PACS1: variants seen among roughly 807,000 people sequenced by gnomAD.
PACS1 encodes phosphofurin acidic cluster sorting protein 1, also known as PACS-1.
A neutral mutation model predicts 115.0 loss-of-function variants in PACS1; 24 were observed. The ratio of observed to expected loss-of-function variants is 0.21; its 90% CI spans 0.15 to 0.29. PACS1 has a LOEUF of 0.29. Ranked by LOEUF, PACS1 falls within the 10% of genes least tolerant of loss-of-function variation. The pLI, the probability that PACS1 is intolerant of heterozygous loss-of-function variation, is 1.00. For synonymous variants in PACS1, 453 were observed against 504.5 expected, an observed-to-expected ratio of 0.90 and a Z score of 1.37; for missense variants, 838 against 1,251.2, an observed-to-expected ratio of 0.67 and a Z score of 4.98.
intron 2 of PACS1, among the ~76,000 whole-genome samples, chr11:66,200,294 T>C (rs1427612778): frequency 6.6e-6 from 1 of 152,132 alleles, no homozygotes; most frequent in African/African-American, 2.4e-5. Flanking sequence ...AAGGCTAAAG[T>C]GAGCTATGAT....
At chr11:66,190,975 T>G (rs1854506893) in intron 1 of PACS1, among the ~76,000 whole-genome samples, 1 of 152,232 alleles carries the variant, frequency 6.6e-6, no homozygotes, top group Non-Finnish European at 1.5e-5. Flanking sequence ...CACTTCCTAC[T>G]GCTGCTGTGA....
At chr11:66,140,492 C>T (rs1409833092) in intron 1 of PACS1, among the ~76,000 whole-genome samples, 28 of 152,242 alleles carry the variant, frequency 1.8e-4, no homozygotes, top group Admixed American at 1.8e-3. Context: ...TGTACTCTGC[C>T]GTCACGGTGC....
chr11:66,162,768 A>G (rs555943365), intron 1 of PACS1, among the ~76,000 whole-genome samples: 1 of 152,392 alleles, frequency 6.6e-6, no homozygotes, highest in East Asian at 1.9e-4. Context: ...TTATGTACAT[A>G]TGCAAAAATA....
intron 1 of PACS1, among the ~76,000 whole-genome samples, chr11:66,150,855 A>G (rs1859218266): frequency 6.6e-6 from 1 of 152,188 alleles, no homozygotes; most frequent in Non-Finnish European, 1.5e-5. Flanking sequence ...CTCCTGAAAC[A>G]CTATAATAGA....
At chr11:66,241,683 T>C (rs772422430) in intron 22 of PACS1, 30 bp downstream of exon 22, 2 of 1,564,758 alleles carry the variant, frequency 1.3e-6, no homozygotes, top group Non-Finnish European at 1.8e-6. Context: ...GGGAAGACCA[T>C]GGGCCACCAG....
chr11:66,071,181 A>T (rs1380209189), intron 1 of PACS1, among the ~76,000 whole-genome samples: 1 of 152,092 alleles, frequency 6.6e-6, no homozygotes, highest in African/African-American at 2.4e-5. Flanking sequence ...CGGCGCCGGG[A>T]GCTGTACATA....
chr11:66,122,956 G>A (rs1590759740), intron 1 of PACS1, among the ~76,000 whole-genome samples: 1 of 152,274 alleles, frequency 6.6e-6, no homozygotes, highest in African/African-American at 2.4e-5. Flanking sequence ...CCAATTTTGC[G>A]AGAAATTCTG....
At chr11:66,090,364 C>G (rs1173577246) in intron 1 of PACS1, among the ~76,000 whole-genome samples, 5 of 151,032 alleles carry the variant, frequency 3.3e-5, no homozygotes, top group Non-Finnish European at 7.4e-5. Context: ...CCTGAACCTC[C>G]CAGGCCCGAG....
At chr11:66,128,253 A>G (rs1163887800) in intron 1 of PACS1, among the ~76,000 whole-genome samples, 1 of 152,226 alleles carries the variant, frequency 6.6e-6, no homozygotes, top group Non-Finnish European at 1.5e-5. Context: ...TTATAAAACA[A>G]ACCAAAAAAG....
chr11:66,194,957 G>A (rs1447926734), intron 2 of PACS1, among the ~76,000 whole-genome samples: 1 of 152,186 alleles, frequency 6.6e-6, no homozygotes, highest in East Asian at 1.9e-4. Flanking sequence ...GGGCACTGTG[G>A]CTCACACCTG....
At chr11:66,120,411 A>G (rs1475701629) in intron 1 of PACS1, among the ~76,000 whole-genome samples, 2 of 152,152 alleles carry the variant, frequency 1.3e-5, no homozygotes, top group Non-Finnish European at 2.9e-5. Flanking sequence ...TACTAATTAT[A>G]TACTTCATTT....
At chr11:66,116,652 G>C (rs1858312564) in intron 1 of PACS1, among the ~76,000 whole-genome samples, 2 of 152,240 alleles carry the variant, frequency 1.3e-5, no homozygotes, top group South Asian at 4.1e-4. Flanking sequence ...CAGCACTTTG[G>C]CTGAGGCAGG....
chr11:66,185,609 A>G (rs972346983), intron 1 of PACS1, among the ~76,000 whole-genome samples: 1 of 152,200 alleles, frequency 6.6e-6, no homozygotes, highest in African/African-American at 2.4e-5. Context: ...CCATATCCCC[A>G]TGCCGGACCA....
intron 1 of PACS1, among the ~76,000 whole-genome samples, chr11:66,140,415 T>C (rs80295673): frequency 0.026 from 4,027 of 152,286 alleles, 66 homozygotes; most frequent in Non-Finnish European, 0.043. Flanking sequence ...GTGACCTGCC[T>C]TGCTCACAAA....
At chr11:66,201,804 C>T (rs933216512) in intron 2 of PACS1, among the ~76,000 whole-genome samples, 31 of 151,722 alleles carry the variant, frequency 2.0e-4, no homozygotes, top group South Asian at 2.1e-4. Flanking sequence ...GGATTACAGG[C>T]GCGCACCACC....
chr11:66,214,811 G>T (rs772060995), intron 4 of PACS1, among the ~76,000 whole-genome samples: 1 of 151,132 alleles, frequency 6.6e-6, no homozygotes, highest in African/African-American at 2.4e-5. Flanking sequence ...TAGTAGAGAC[G>T]GGGTTCCACC....
chr11:66,191,343 A>G (rs1256431649), intron 1 of PACS1, among the ~76,000 whole-genome samples: 2 of 152,126 alleles, frequency 1.3e-5, no homozygotes, highest in Non-Finnish European at 2.9e-5. Context: ...CCTTAACTTA[A>G]TCACATCTGC....
chr11:66,134,254 C>CTTTTTTTTTTTTTTTTTTTTTTT lies in PACS1; in HGVS notation c.357-59229_357-59207dup, dbSNP rs1162472902. ...TAAATTTCTTTTTCTTTTTCTTTTT[C>CTTTTTTTTTTTTTTTTTTTTTTT]TTTTTTTTTTTTTTTTTTTTTTTTT... On this transcript the variant is annotated intron_variant, in intron 1 of 23. Transcript: ENST00000320580. Among the ~76,000 whole-genome samples, 21 of 75,072 alleles carry CTTTTTTTTTTTTTTTTTTTTTTT rather than the reference C, an allele frequency of 2.8e-4. 2 individuals carry two copies. Among genetic ancestry groups the CTTTTTTTTTTTTTTTTTTTTTTT allele is most frequent in the Admixed American group, 7.1e-4 (3 of 4,206 alleles). The allele number at this position is 75,072 out of a possible 152,430, so 49.3% of individuals were successfully genotyped here. A position where few individuals can be genotyped will look rare whatever the true frequency, so the allele number is the denominator to read the frequency against.
chr11:66,106,820 G>A (rs1454174913), intron 1 of PACS1, among the ~76,000 whole-genome samples: 1 of 152,030 alleles, frequency 6.6e-6, no homozygotes, highest in African/African-American at 2.4e-5. Flanking sequence ...ATGCAAAACT[G>A]GTTCTTTATA....
Sources: allele counts gnomAD v4.1 joint callset (sites outside exome capture counted in the v4.1 genomes callset), GRCh38; gene constraint gnomAD v4.1.1; transcripts MANE v1.5; gene names NCBI Gene and HGNC (gene_info 2026-07-23, HGNC 2026-07-21).